AVL9: variants seen among roughly 807,000 people sequenced by gnomAD.
AVL9 encodes the protein late secretory pathway protein AVL9 homolog.
AVL9 carries 49 observed loss-of-function variants against 79.2 expected under a neutral mutation model. The ratio of observed to expected loss-of-function variants is 0.62; its 90% confidence interval spans 0.49 to 0.79. AVL9 has a LOEUF of 0.79. Ranked by LOEUF, AVL9 falls within the 30% of genes least tolerant of loss-of-function variation. The probability of loss-of-function intolerance (pLI) is 0.00; values close to 1 mark genes in which losing one functional copy is unlikely to be tolerated. For synonymous variants in AVL9, 299 were observed against 280.6 expected (o/e 1.07, Z -0.65); for missense variants, 682 against 776.8 (o/e 0.88, Z 1.45).
rs1554340933 is a variant in AVL9, at chr7:32,548,151, C to CT, written c.301-682dup. Among the ~76,000 whole-genome samples, 125 of 131,582 alleles carry CT rather than the reference C, an allele frequency of 9.5e-4. 6 individuals are homozygous for CT. The highest frequency in any genetic ancestry group is 4.0e-3 in the Middle Eastern group (1 of 248). 86.3% of individuals were successfully genotyped at this position (131,582 alleles called of 152,430 possible). The stretch of plus-strand genomic sequence containing the variant: ...TGTCTGTTTTTGTCATCTCTTTTTT[C>CT]TTTTTTTTTTTTTTGAGACGGAGTC... On this transcript the variant is annotated intron_variant, in intron 3 of 15. Coordinates refer to ENST00000318709, the MANE Select transcript of AVL9 (RefSeq NM_015060.3).
intron 1 of AVL9, among the ~76,000 whole-genome samples, chr7:32,497,420 C>G (rs548285654): frequency 6.6e-6 from 1 of 152,190 alleles, no homozygotes; most frequent in Non-Finnish European, 1.5e-5. Context: ...TCTTTATAAC[C>G]TGTACATCAG....
At chr7:32,498,267 G>A (rs1416390012) in intron 1 of AVL9, among the ~76,000 whole-genome samples, 7 of 115,316 alleles carry the variant, frequency 6.1e-5, no homozygotes, top group African/African-American at 2.3e-4. Context: ...TTTTTGAGAC[G>A]GAGTCTTGTT....
At chr7:32,572,077 G>A (rs1156672681) in intron 11 of AVL9, among the ~76,000 whole-genome samples, 3 of 151,306 alleles carry the variant, frequency 2.0e-5, no homozygotes, top group Non-Finnish European at 4.4e-5. Context: ...CAGGAGAATC[G>A]CTTGAACCCG....
chr7:32,561,429 C>T (rs1790328398), intron 10 of AVL9, among the ~76,000 whole-genome samples: 1 of 152,150 alleles, frequency 6.6e-6, no homozygotes, highest in South Asian at 2.1e-4. Context: ...ACATTGTGAG[C>T]TAACTCTGCT....
At chr7:32,534,193 A>G (rs1468343335) in intron 1 of AVL9, 3 of 152,090 alleles carry the variant, frequency 2.0e-5, no homozygotes, top group African/African-American at 4.8e-5. Flanking sequence ...GAAATCAGCT[A>G]TTGTCTTATT....
rs1048255088 is a variant in AVL9 at position 32,543,124 on chromosome 7, A to G, written c.94-17A>G. 6.2e-7 allele frequency: 1 copy of G among 1,612,506 alleles called. No individual in the cohort carries two copies. Among genetic ancestry groups the G allele is most frequent in the African/African-American group, 1.3e-5 (1 of 74,800 alleles). On this transcript the variant is annotated splice_polypyrimidine_tract_variant and intron_variant, in intron 1 of 15. Transcript: ENST00000318709. ...TTTGGTCAACCACCTTTTGGCTAACATTCCTTACTATTTTAGGTTGAATTC... is the reference window on the plus strand; with the variant it reads ...TTTGGTCAACCACCTTTTGGCTAACGTTCCTTACTATTTTAGGTTGAATTC...
rs1304568431 is a variant in AVL9 at position 32,570,134 on chromosome 7, C to T, written c.1330C>T (p.Leu444Phe). 1 of 1,614,066 alleles carries T rather than the reference C, an allele frequency of 6.2e-7. No homozygotes were observed. Among genetic ancestry groups the T allele is most frequent in the Non-Finnish European group, 8.5e-7 (1 of 1,180,026 alleles). The change falls in exon 11 of 16, where the codon CTC (leucine) becomes TTC (phenylalanine). Residue 444 changes from leucine (L) to phenylalanine (F), a missense_variant. By Grantham distance (22) the Leu-to-Phe change is conservative. Transcript: ENST00000318709. ...CATCCTTTTTCGACAACAGAAACAC[C>T]TCAGTGATGCCATTGTGGAAGTACG... The part of the protein sequence containing the change: ...TNILFRQQKH[L>F]SDAIVEVEEA...
chr7:32,578,627 G>A (rs1791205395), intron 13 of AVL9, among the ~76,000 whole-genome samples: 1 of 152,128 alleles, frequency 6.6e-6, no homozygotes, highest in Non-Finnish European at 1.5e-5. Context: ...GGGCAACATG[G>A]TGAAACCCTG....
chr7:32,533,791 A>G (rs186313601), intron 1 of AVL9: 11 of 152,248 alleles, frequency 7.2e-5, no homozygotes, highest in Admixed American at 5.9e-4. Flanking sequence ...TCCTTCTGTA[A>G]GCCGTTGATA....
chr7:32,558,100 C>A (rs1469008038), intron 8 of AVL9, among the ~76,000 whole-genome samples: 1 of 150,756 alleles, frequency 6.6e-6, no homozygotes, highest in African/African-American at 2.4e-5. Context: ...ATTATCTGCC[C>A]GCCTTGGCCT....
At chr7:32,559,887 T>A (rs1790255889) in intron 10 of AVL9, 1 of 156,490 alleles carries the variant, frequency 6.4e-6, no homozygotes, top group African/African-American at 2.4e-5. Context: ...CAAGTGCATA[T>A]AAAAGTTATG....
chr7:32,543,223 T>C lies in AVL9; in HGVS notation c.176T>C (p.Phe59Ser), dbSNP rs769790303. ...TLPEEWKYLP[F>S]LALPDGAHNY... is the part of the protein sequence containing the mutation. ...CCTGAAGAATGGAAGTATTTGCCCTTCCTTGCCTTACCAGATGGCGCACAC... is the reference window on the plus strand; with the variant it reads ...CCTGAAGAATGGAAGTATTTGCCCTCCCTTGCCTTACCAGATGGCGCACAC... Residue 59 changes from phenylalanine (F) to serine (S), a missense_variant, in exon 2 of 16, where the codon TTC (phenylalanine) becomes TCC (serine). Coordinates refer to ENST00000318709, the MANE Select transcript of AVL9 (RefSeq NM_015060.3). 3.1e-6 allele frequency: 5 copies of C among 1,614,088 alleles called. No individual in the cohort carries two copies. The South Asian group carries it at 4.4e-5, about 14-fold the overall frequency.
At chr7:32,578,872 AATT>A (rs1207111263) in intron 13 of AVL9, among the ~76,000 whole-genome samples, 1 of 152,088 alleles carries the variant, frequency 6.6e-6, no homozygotes, top group South Asian at 2.1e-4. Context: ...ATTTCAAACT[AATT>A]ATAACTTTTG....
chr7:32,496,805 C>A (rs915625716), intron 1 of AVL9, among the ~76,000 whole-genome samples: 1 of 152,106 alleles, frequency 6.6e-6, no homozygotes, highest in Non-Finnish European at 1.5e-5. Flanking sequence ...GTGAAAAAAT[C>A]GTGTTTGTGC....
At chr7:32,557,866 T>TG (rs1562787106) in intron 8 of AVL9, among the ~76,000 whole-genome samples, 32 of 149,694 alleles carry the variant, frequency 2.1e-4, no homozygotes, top group Middle Eastern at 3.5e-3. Flanking sequence ...TTTTTTTTTT[T>TG]TTTTTTTGAG....
At chr7:32,565,868 C>T (rs188761990) in intron 10 of AVL9, among the ~76,000 whole-genome samples, 18 of 151,550 alleles carry the variant, frequency 1.2e-4, no homozygotes, top group Non-Finnish European at 2.4e-4. Context: ...ATTAGCTGGG[C>T]GTGGTGGCAT....
chr7:32,576,774 G>GA (rs1415312390), intron 13 of AVL9, among the ~76,000 whole-genome samples: 1 of 152,000 alleles, frequency 6.6e-6, no homozygotes. Context: ...TAACAAGAGG[G>GA]AGACTTTGTC....
chr7:32,581,546 A>T (rs1791509710), intron 15 of AVL9: 1 of 152,276 alleles, frequency 6.6e-6, no homozygotes, highest in African/African-American at 2.4e-5. Flanking sequence ...TATTAAAGAA[A>T]TTGGGCCGAA....
Position 32,551,377 on chromosome 7 carries a change from A to G in AVL9, c.416A>G (p.His139Arg), listed in dbSNP as rs905373246. Reference sequence around the variant, plus strand: ...CAAGCAAAACTTCAACTCATTACACATGCATATTTTGAAGAGAAGGATTTT... The same window carrying G: ...CAAGCAAAACTTCAACTCATTACACGTGCATATTTTGAAGAGAAGGATTTT... ...LLQAKLQLIT[H>R]AYFEEKDFSQ... Residue 139 changes from histidine to arginine, a missense_variant, in exon 5 of 16, where the codon CAT (histidine) becomes CGT (arginine). Physicochemically the swap from His to Arg is conservative, Grantham distance 29. Transcript: ENST00000318709. The G allele has an allele frequency of 1.9e-6, 3 of 1,612,018 alleles. No individual in the cohort carries two copies. The highest frequency in any genetic ancestry group is 2.5e-6 in the Non-Finnish European group (3 of 1,178,454).
Sources: allele counts gnomAD v4.1 joint callset (sites outside exome capture counted in the v4.1 genomes callset), GRCh38; gene constraint gnomAD v4.1.1; transcripts MANE v1.5; gene names NCBI Gene and HGNC (gene_info 2026-07-23, HGNC 2026-07-21).